Variants in DST observed in about 807,000 individuals in gnomAD.
DST encodes the protein bullous pemphigoid antigen.
DST carries 253 observed loss-of-function variants against 875.2 expected under a neutral mutation model. The observed-to-expected ratio is 0.29, with a 90% CI of 0.26 to 0.32. The LOEUF is 0.32. DST is among the 10% of genes least tolerant of loss of function. DST has a pLI of 1.00. For synonymous variants in DST, 3,124 were observed against 3,197.1 expected, an observed-to-expected ratio of 0.98 and a Z score of 0.77; for missense variants, 8,287 against 9,111.6, an observed-to-expected ratio of 0.91 and a Z score of 3.68.
At chr6:56,931,135 G>A (rs921922581) in intron 2 of DST, among the ~76,000 whole-genome samples, 2 of 152,192 alleles carry the variant, frequency 1.3e-5, no homozygotes, top group African/African-American at 4.8e-5. Flanking sequence ...GATTGGAGTT[G>A]AGGGTAGAAG....
At chr6:56,585,752 A>C (rs2098133912) in intron 49 of DST, among the ~76,000 whole-genome samples, 1 of 150,664 alleles carries the variant, frequency 6.6e-6, no homozygotes, top group South Asian at 2.1e-4. Context: ...ATTTCCCTCT[A>C]CACACTGCTT....
rs1440359627 is a variant in DST at position 56,606,131 on chromosome 6, C to T, written c.8497G>A (p.Glu2833Lys). ...NGKPRCQNVA[E>K]DMDIQLCASI... Reference sequence around the variant, plus strand: ...GCACACAACTGGATATCCATATCTTCAGCCACATTTTGGCACCTGGGCTTT... The same window carrying T: ...GCACACAACTGGATATCCATATCTTTAGCCACATTTTGGCACCTGGGCTTT... The change falls in exon 40 of 104, where the codon GAA (glutamate) becomes AAA (lysine). Residue 2833 changes from glutamate to lysine, a missense_variant. By Grantham distance (56) the Glu-to-Lys change is moderately conservative. Transcript: ENST00000680361. The T allele has an allele frequency of 1.9e-6, 3 of 1,612,416 alleles. No individual in the cohort carries two copies. The highest frequency in any genetic ancestry group is 2.7e-5 in the African/African-American group (2 of 74,878).
chr6:56,528,808 C>T, intron 67 of DST, 33 bp downstream of exon 67: 1 of 1,350,624 alleles, frequency 7.4e-7, no homozygotes, highest in Non-Finnish European at 1.0e-6. Flanking sequence ...AAAATGCTGA[C>T]CACATGATGA....
chr6:56,627,976 T>C lies in DST; in HGVS notation c.4638+23A>G, dbSNP rs756015974. The stretch of plus-strand genomic sequence containing the variant: ...TGACCAAATGCAGACATAACCTCAG[T>C]AGAGGGAATTATTTTTACATACCTT... On this transcript the variant is annotated intron_variant, in intron 33 of 103. Coordinates refer to ENST00000680361, the MANE Select transcript of DST (RefSeq NM_001374736.1). The C allele has an allele frequency of 1.9e-6, 3 of 1,610,044 alleles. No homozygotes were observed. In the African/African-American group the frequency reaches 4.0e-5, roughly 22 times the overall value.
At chr6:56,623,880 A>G (rs1251312376) in intron 36 of DST, among the ~76,000 whole-genome samples, 1 of 152,116 alleles carries the variant, frequency 6.6e-6, no homozygotes, top group Non-Finnish European at 1.5e-5. Context: ...ATGATTTATA[A>G]ATGCAGAAAT....
At chr6:56,478,775 A>G (rs1475895457) in intron 90 of DST, among the ~76,000 whole-genome samples, 1 of 152,194 alleles carries the variant, frequency 6.6e-6, no homozygotes, top group Non-Finnish European at 1.5e-5. Context: ...TACTCACACT[A>G]TGTGAACAGG....
Position 56,692,421 on chromosome 6 carries a change from C to T in DST, c.1047+7232G>A, listed in dbSNP as rs113165259. 5.3e-4 allele frequency: 679 copies of T among 1,287,614 alleles called. 10 individuals are homozygous for T. The highest frequency in any genetic ancestry group is 8.3e-5 in the Non-Finnish European group (82 of 988,292). The allele number at this position is 1,287,614 out of a possible 1,614,324, so 79.8% of individuals were successfully genotyped here. Reference sequence around the variant, plus strand: ...CATCTGTGTCCTTAGAAACAGAGGACATACTAGTATAAAGGGAATGGCATC... The same window carrying T: ...CATCTGTGTCCTTAGAAACAGAGGATATACTAGTATAAAGGGAATGGCATC... On this transcript the variant is annotated intron_variant, in intron 9 of 103. Transcript: ENST00000680361.
intron 5 of DST, among the ~76,000 whole-genome samples, chr6:56,716,903 C>T (rs1444146945): frequency 6.6e-6 from 1 of 152,044 alleles, no homozygotes; most frequent in South Asian, 2.1e-4. Flanking sequence ...TGCAACCGAC[C>T]GGGTGCGGTG....
chr6:56,707,492 A>AT (rs1258615946), intron 5 of DST, among the ~76,000 whole-genome samples: 4 of 152,176 alleles, frequency 2.6e-5, no homozygotes, highest in African/African-American at 4.8e-5. Flanking sequence ...TGCAGGTCTG[A>AT]TATCCTCAGT....
At chr6:56,592,127 T>G (rs1939881682) in intron 49 of DST, 55 bp downstream of exon 49, 1 of 1,502,190 alleles carries the variant, frequency 6.7e-7, no homozygotes, top group African/African-American at 1.4e-5. Context: ...GTGTGAGAAA[T>G]TGGAAGCCTT....
chr6:56,756,747 T>C (rs1030211303), intron 4 of DST, among the ~76,000 whole-genome samples: 1 of 152,170 alleles, frequency 6.6e-6, no homozygotes, highest in Non-Finnish European at 1.5e-5. Context: ...TTAAAACAGA[T>C]TCAATTTTAG....
At chr6:56,749,590 TAA>T (rs1267825168) in intron 4 of DST, among the ~76,000 whole-genome samples, 3 of 152,212 alleles carry the variant, frequency 2.0e-5, no homozygotes, top group Non-Finnish European at 2.9e-5. Context: ...GAATTCTTAG[TAA>T]CTACTTTCAT....
chr6:56,536,727 T>C lies in DST; in HGVS notation c.16770+52A>G, dbSNP rs1475499195. 4.1e-6 allele frequency: 6 copies of C among 1,450,958 alleles called. No homozygotes were observed. The Admixed American group carries it at 1.2e-4, about 29-fold the overall frequency. 89.9% of individuals were successfully genotyped at this position (1,450,958 alleles called of 1,614,324 possible). On this transcript the variant is annotated intron_variant, in intron 62 of 103. Coordinates refer to ENST00000680361, the MANE Select transcript of DST (RefSeq NM_001374736.1). ...AAATATGATTCATGGTCACCACAAA[T>C]GCTCATGAATAATAATCAGCAAAAT... is the stretch of plus-strand genomic sequence containing the variant.
chr6:56,765,456 G>T (rs1197746287), intron 4 of DST, among the ~76,000 whole-genome samples: 1 of 152,176 alleles, frequency 6.6e-6, no homozygotes. Context: ...TGCCAATGAA[G>T]AGAATGAATT....
At chr6:56,579,007 GATT>G in intron 49 of DST, 70 bp from the exon 50 acceptor site, 1 of 1,313,162 alleles carries the variant, frequency 7.6e-7, no homozygotes, top group Non-Finnish European at 1.0e-6. Context: ...TGGAAAAAAT[GATT>G]TCTAATAAGA....
intron 49 of DST, among the ~76,000 whole-genome samples, chr6:56,586,297 A>G (rs1327761150): frequency 6.6e-6 from 1 of 151,628 alleles, no homozygotes; most frequent in Non-Finnish European, 1.5e-5. Context: ...GGGTGCATAT[A>G]TATTTAGGAT....
At chr6:56,616,251 C>A in intron 36 of DST, 1 of 1,614,074 alleles carries the variant, frequency 6.2e-7, no homozygotes, top group Non-Finnish European at 8.5e-7. Flanking sequence ...TGCTCTATAG[C>A]CTCATTAATA....
At position 56,592,231 on chromosome 6, in the gene DST, G is replaced by A. The variant is rs1188963648; in HGVS notation, c.12854C>T (p.Pro4285Leu). ...EATASKHLSE[P>L]IAVDPKNLQR... Reference sequence around the variant, plus strand: ...AAGATTTTTGGGGTCCACCGCAATAGGTTCAGATAAGTGTTTGCTCGCTGT... The same window carrying A: ...AAGATTTTTGGGGTCCACCGCAATAAGTTCAGATAAGTGTTTGCTCGCTGT... The change falls in exon 49 of 104, where the codon CCT (proline) becomes CTT (leucine). Residue 4285 changes from proline (P) to leucine (L), a missense_variant. Pro to Leu is a moderately conservative substitution (Grantham distance 98). Transcript: ENST00000680361. 2 of 1,613,648 alleles carry A rather than the reference G, an allele frequency of 1.2e-6. No homozygotes were observed. Among genetic ancestry groups the A allele is most frequent in the Admixed American group, 1.7e-5 (1 of 59,998 alleles).
chr6:56,897,590 C>A, intron 3 of DST, among the ~76,000 whole-genome samples: 1 of 152,082 alleles, frequency 6.6e-6, no homozygotes, highest in East Asian at 1.9e-4. Context: ...CTTGGTATCC[C>A]AAGGTGCTGG....
Sources: allele counts gnomAD v4.1 joint callset (sites outside exome capture counted in the v4.1 genomes callset), GRCh38; gene constraint gnomAD v4.1.1; transcripts MANE v1.5; gene names NCBI Gene and HGNC (gene_info 2026-07-23, HGNC 2026-07-21).